The following SPOCK1 variants were observed in gnomAD, a reference collection of about 807,000 sequenced individuals.
SPOCK1 encodes the protein testican-1.
Under a neutral mutation model 55.3 loss-of-function variants are expected in SPOCK1, and 23 were observed. The ratio of observed to expected loss-of-function variants is 0.42; its 90% confidence interval spans 0.30 to 0.59. The LOEUF (loss-of-function observed/expected upper bound fraction) is 0.59, where lower values mean the gene tolerates loss of function less well. Among genes scored for constraint, SPOCK1 ranks in the 20% least tolerant of loss-of-function variants. SPOCK1 has a pLI of 0.22. For synonymous variants in SPOCK1, 226 were observed against 221.0 expected (o/e 1.02, Z -0.20); for missense variants, 499 against 552.5 (o/e 0.90, Z 0.97).
chr5:137,008,975 C>T (rs1751302044), intron 6 of SPOCK1, among the ~76,000 whole-genome samples: 1 of 152,054 alleles, frequency 6.6e-6, no homozygotes, highest in Non-Finnish European at 1.5e-5. Context: ...CACACATGCC[C>T]TGCCACACAA....
intron 2 of SPOCK1, among the ~76,000 whole-genome samples, chr5:137,331,694 T>C (rs1236437130): frequency 6.6e-6 from 1 of 152,046 alleles, no homozygotes; most frequent in Admixed American, 6.5e-5. Flanking sequence ...CAACCAGGTC[T>C]TGGTGAACTA....
intron 2 of SPOCK1, among the ~76,000 whole-genome samples, chr5:137,307,505 TTTG>T (rs537874886): frequency 1.7e-4 from 26 of 152,244 alleles, no homozygotes; most frequent in Non-Finnish European, 3.4e-4. Context: ...CACCATTTTT[TTTG>T]TGTTCTGGTC....
chr5:137,381,904 GTTTT>G (rs1341117361), intron 2 of SPOCK1, among the ~76,000 whole-genome samples: 2 of 152,202 alleles, frequency 1.3e-5, no homozygotes, highest in African/African-American at 4.8e-5. Context: ...CCAAAAATGG[GTTTT>G]TTGTTTCTAC....
chr5:137,477,535 A>C (rs1753860915), intron 2 of SPOCK1, among the ~76,000 whole-genome samples: 1 of 152,152 alleles, frequency 6.6e-6, no homozygotes, highest in South Asian at 2.1e-4. Context: ...CTAGCTTCTG[A>C]AGCATTTCTC....
intron 4 of SPOCK1, among the ~76,000 whole-genome samples, chr5:137,139,797 T>C (rs982576931): frequency 1.3e-5 from 2 of 152,284 alleles, no homozygotes; most frequent in Middle Eastern, 3.4e-3. Flanking sequence ...TCTGACTCCC[T>C]TCTTAAAGAA....
At chr5:137,216,667 C>T (rs779503876) in intron 3 of SPOCK1, among the ~76,000 whole-genome samples, 1 of 152,084 alleles carries the variant, frequency 6.6e-6, no homozygotes, top group Non-Finnish European at 1.5e-5. Context: ...GCCAAGATCA[C>T]ACCACTGCAC....
At chr5:137,222,391 A>C (rs1221863487) in intron 3 of SPOCK1, among the ~76,000 whole-genome samples, 2 of 152,182 alleles carry the variant, frequency 1.3e-5, no homozygotes, top group African/African-American at 4.8e-5. Context: ...AGCTAATAAG[A>C]GCATTTAGTA....
intron 6 of SPOCK1, among the ~76,000 whole-genome samples, chr5:137,042,816 T>C (rs1478213691): frequency 6.6e-6 from 1 of 152,042 alleles, no homozygotes; most frequent in East Asian, 1.9e-4. Context: ...TTAATATAGA[T>C]ACATATAGAA....
intron 6 of SPOCK1, among the ~76,000 whole-genome samples, chr5:137,021,088 GAGAAGTGTA>G (rs950660171): frequency 7.2e-5 from 11 of 152,084 alleles, no homozygotes; most frequent in African/African-American, 2.4e-4. Flanking sequence ...CATACACCCA[GAGAAGTGTA>G]AGAATGTTAA....
At chr5:137,031,935 CAT>C (rs1427131049) in intron 6 of SPOCK1, among the ~76,000 whole-genome samples, 5 of 150,288 alleles carry the variant, frequency 3.3e-5, no homozygotes, top group Non-Finnish European at 7.4e-5. Flanking sequence ...CACATACATA[CAT>C]ATGTGTGTGT....
intron 3 of SPOCK1, among the ~76,000 whole-genome samples, chr5:137,217,105 A>C (rs1178127837): frequency 2.0e-5 from 3 of 152,182 alleles, no homozygotes; most frequent in Admixed American, 2.0e-4. Context: ...AGCCACAAGG[A>C]ATCAAGATAA....
chr5:137,302,444 GCAC>G (rs1757615412), intron 2 of SPOCK1, among the ~76,000 whole-genome samples: 1 of 151,518 alleles, frequency 6.6e-6, no homozygotes, highest in South Asian at 2.1e-4. Flanking sequence ...AGGTGTGGTG[GCAC>G]GCACCTGTAG....
chr5:137,310,536 C>A (rs151137744), intron 2 of SPOCK1, among the ~76,000 whole-genome samples: 1 of 152,324 alleles, frequency 6.6e-6, no homozygotes, highest in African/African-American at 2.4e-5. Flanking sequence ...AAAACAGCAA[C>A]ATATACTTGA....
chr5:136,997,841 C>A (rs1351608860), intron 6 of SPOCK1, among the ~76,000 whole-genome samples: 1 of 152,126 alleles, frequency 6.6e-6, no homozygotes, highest in Non-Finnish European at 1.5e-5. Context: ...CCCATTTCTC[C>A]CCTAGATCAT....
chr5:137,498,361 G>A lies in SPOCK1; in HGVS notation c.186+12C>T. On this transcript the variant is annotated intron_variant, in intron 2 of 10. Transcript: ENST00000394945. ...TCCGCGCCCCCCAGGGCCGGGTGGC[G>A]CCGGTACTCACGTCTCGAAAGCGGT... 6.3e-7 allele frequency: 1 copy of A among 1,577,720 alleles called. No individual in the cohort carries two copies. The highest frequency in any genetic ancestry group is 1.8e-5 in the Admixed American group (1 of 57,112).
intron 2 of SPOCK1, among the ~76,000 whole-genome samples, chr5:137,392,653 G>A (rs1366774553): frequency 6.6e-6 from 1 of 152,146 alleles, no homozygotes; most frequent in Non-Finnish European, 1.5e-5. Context: ...GGGATAATAC[G>A]AGTACTGTTC....
intron 3 of SPOCK1, among the ~76,000 whole-genome samples, chr5:137,147,151 T>G (rs1287217578): frequency 6.6e-6 from 1 of 152,056 alleles, no homozygotes; most frequent in East Asian, 1.9e-4. Context: ...GGGGGTCAAT[T>G]TTTTGGTTGT....
chr5:137,265,950 A>G (rs1756839794), intron 3 of SPOCK1, among the ~76,000 whole-genome samples: 9 of 152,212 alleles, frequency 5.9e-5, no homozygotes, highest in Admixed American at 5.9e-4. Context: ...CGAAAGCTCA[A>G]TAAATGTTTG....
intron 2 of SPOCK1, among the ~76,000 whole-genome samples, chr5:137,428,382 C>A (rs1752677742): frequency 6.6e-6 from 1 of 152,136 alleles, no homozygotes; most frequent in South Asian, 2.1e-4. Context: ...AGTTCAGAGG[C>A]AATCACAGCC....
Sources: gnomAD v4.1 joint callset for allele counts (sites outside exome capture counted in the v4.1 genomes callset) on GRCh38, gnomAD v4.1.1 for gene constraint, MANE v1.5 for transcripts, NCBI Gene and HGNC (gene_info 2026-07-23, HGNC 2026-07-21) for gene names.